AKAP13: variants seen among roughly 807,000 people sequenced by gnomAD.
AKAP13 encodes A-kinase anchor protein 13.
A neutral mutation model predicts 264.5 loss-of-function variants in AKAP13; 80 were observed. The observed-to-expected ratio is 0.30, with a 90% CI of 0.25 to 0.36. AKAP13 has a LOEUF of 0.36. AKAP13 is among the 10% of genes least tolerant of loss of function. AKAP13 has a pLI of 1.00. For synonymous variants in AKAP13, 1,380 were observed against 1,250.2 expected (o/e 1.10, Z -2.19); for missense variants, 3,712 against 3,435.2 (o/e 1.08, Z -2.01).
chr15:85,603,087 G>A lies in AKAP13; in HGVS notation c.4161+17264G>A, dbSNP rs543342764. Among the ~76,000 whole-genome samples the A allele has an allele frequency of 2.9e-4, 44 of 152,276 alleles. 1 individual carries two copies. The South Asian group carries it at 8.3e-3, about 29-fold the overall frequency. The stretch of plus-strand genomic sequence containing the variant: ...GTCAGTTGTTTCCCTTGAGAAGCAG[G>A]TTCTAAGAAAATAACCCCAAGTTCT... On this transcript the variant is annotated intron_variant, in intron 8 of 36. Transcript: ENST00000394518.
At chr15:85,591,037 A>C (rs2079557999) in intron 8 of AKAP13, among the ~76,000 whole-genome samples, 1 of 152,196 alleles carries the variant, frequency 6.6e-6, no homozygotes, top group Non-Finnish European at 1.5e-5. Context: ...CATTAATTTG[A>C]AATTGAAAGA....
At chr15:85,433,117 G>GTTTTTTT (rs199655190) in intron 1 of AKAP13, among the ~76,000 whole-genome samples, 3 of 53,240 alleles carry the variant, frequency 5.6e-5, no homozygotes, top group Admixed American at 2.4e-4. Flanking sequence ...CTTCTGTACA[G>GTTTTTTT]TTTTTTTTTT....
chr15:85,565,242 TAA>T (rs71468117), intron 5 of AKAP13, among the ~76,000 whole-genome samples: 4 of 149,180 alleles, frequency 2.7e-5, no homozygotes, highest in Non-Finnish European at 6.0e-5. Flanking sequence ...TCATTGGAAT[TAA>T]AAAAAAAAAT....
intron 8 of AKAP13, among the ~76,000 whole-genome samples, chr15:85,625,242 A>G (rs1006473902): frequency 2.0e-5 from 3 of 152,222 alleles, no homozygotes; most frequent in African/African-American, 7.2e-5. Context: ...TACTTTGTTC[A>G]CAGCTGAAGA....
chr15:85,714,894 G>C (rs1249693548), intron 19 of AKAP13, among the ~76,000 whole-genome samples: 2 of 152,134 alleles, frequency 1.3e-5, no homozygotes, highest in African/African-American at 4.8e-5. Flanking sequence ...ATGAACCCAG[G>C]AGGCGGAGCT....
intron 8 of AKAP13, among the ~76,000 whole-genome samples, chr15:85,589,486 C>T (rs535607419): frequency 6.6e-4 from 100 of 151,778 alleles, no homozygotes; most frequent in Middle Eastern, 3.4e-3. Context: ...CCGGGCACAG[C>T]GGCTCATGCC....
chr15:85,697,248 A>G (rs1292804487), intron 17 of AKAP13, among the ~76,000 whole-genome samples: 4 of 152,202 alleles, frequency 2.6e-5, no homozygotes, highest in Non-Finnish European at 5.9e-5. Context: ...AGGAAGAATT[A>G]GGGGATGTAC....
chr15:85,571,577 C>G (rs895125475), intron 5 of AKAP13, among the ~76,000 whole-genome samples: 1 of 152,222 alleles, frequency 6.6e-6, no homozygotes, highest in African/African-American at 2.4e-5. Context: ...ATTAATGAGG[C>G]CACCCTTGAT....
chr15:85,727,001 A>C lies in AKAP13; in HGVS notation c.6823-65A>C. The C allele has an allele frequency of 3.2e-6, 5 of 1,573,940 alleles. No individual in the cohort carries two copies. Among genetic ancestry groups the C allele is most frequent in the Non-Finnish European group, 3.5e-6 (4 of 1,148,694 alleles). ...CAGCATCTGGTCTTACCTTAGATTG[A>C]AGCTGTCCTTCAGAGTTAGAATATT... On this transcript the variant is annotated intron_variant, in intron 27 of 36. Coordinates refer to ENST00000394518, the MANE Select transcript of AKAP13 (RefSeq NM_007200.5). The surrounding 1 kb of genome is among the most constrained non-coding windows in gnomAD (Gnocchi z 5.3).
At chr15:85,411,185 G>A (rs1005194141) in intron 1 of AKAP13, among the ~76,000 whole-genome samples, 1 of 152,202 alleles carries the variant, frequency 6.6e-6, no homozygotes. Context: ...AATCAATCAC[G>A]ACAGTGAACT....
intron 1 of AKAP13, among the ~76,000 whole-genome samples, chr15:85,405,143 A>G (rs2071603944): frequency 6.6e-6 from 1 of 152,058 alleles, no homozygotes. Context: ...GTTTTAATCG[A>G]TTCAGACTTA....
intron 9 of AKAP13, among the ~76,000 whole-genome samples, chr15:85,642,707 G>A (rs2082366101): frequency 6.6e-6 from 1 of 152,184 alleles, no homozygotes; most frequent in Middle Eastern, 3.2e-3. Context: ...TTGTGGTGCT[G>A]GCTTGAATTT....
intron 2 of AKAP13, among the ~76,000 whole-genome samples, chr15:85,499,697 C>CTT (rs144946622): frequency 0.016 from 2,364 of 151,942 alleles, 74 homozygotes; most frequent in African/African-American, 0.054. Context: ...AAACACTTAT[C>CTT]TTTCAGGATT....
Position 85,724,480 on chromosome 15 carries a change from G to A in AKAP13, c.6745+1160G>A, listed in dbSNP as rs1478917905. 7.0e-6 allele frequency among the ~76,000 whole-genome samples: 1 copy of A among 142,668 alleles called. No homozygotes were observed. The highest frequency in any genetic ancestry group is 1.5e-5 in the Non-Finnish European group (1 of 66,278). The allele number at this position is 142,668 out of a possible 152,430, so 93.6% of individuals were successfully genotyped here. A position where few individuals can be genotyped will look rare whatever the true frequency, so the allele number is the denominator to read the frequency against. On this transcript the variant is annotated intron_variant, in intron 26 of 36. Coordinates refer to ENST00000394518, the MANE Select transcript of AKAP13 (RefSeq NM_007200.5). This position sits in a 1 kb window ranked among gnomAD's most constrained non-coding sequence, Gnocchi z 4.2. ...TGGAAGCACAGAGTTGAAAGGGTGT[G>A]GCACATCCAGGGAAGAGTGGACACC...
intron 1 of AKAP13, among the ~76,000 whole-genome samples, chr15:85,478,547 G>C (rs137942853): frequency 3.4e-4 from 52 of 152,268 alleles, no homozygotes; most frequent in African/African-American, 1.2e-3. Flanking sequence ...GGGTAATCCA[G>C]CGTTGATAAA....
At chr15:85,470,105 C>A (rs535629112) in intron 1 of AKAP13, among the ~76,000 whole-genome samples, 1 of 152,046 alleles carries the variant, frequency 6.6e-6, no homozygotes, top group African/African-American at 2.4e-5. Context: ...CTGGCCAACA[C>A]GGTGAAACCC....
intron 1 of AKAP13, among the ~76,000 whole-genome samples, chr15:85,475,989 A>C (rs960226852): frequency 6.6e-6 from 1 of 152,174 alleles, no homozygotes. Context: ...TAGATTAAAA[A>C]CAAGTTGGGG....
chr15:85,697,757 A>G (rs1038001436), intron 17 of AKAP13, among the ~76,000 whole-genome samples: 2 of 152,232 alleles, frequency 1.3e-5, no homozygotes, highest in Non-Finnish European at 2.9e-5. Context: ...AATTGTTTAT[A>G]AAGGAATAAG....
At chr15:85,477,876 C>T (rs1372911324) in intron 1 of AKAP13, among the ~76,000 whole-genome samples, 1 of 152,124 alleles carries the variant, frequency 6.6e-6, no homozygotes, top group African/African-American at 2.4e-5. Context: ...CCTCTTGTGA[C>T]TCCTTCCCCA....
Sources: allele counts gnomAD v4.1 joint callset (sites outside exome capture counted in the v4.1 genomes callset), GRCh38; gene constraint gnomAD v4.1.1; non-coding constraint Gnocchi (gnomAD v3.1); transcripts MANE v1.5; gene names NCBI Gene and HGNC (gene_info 2026-07-23, HGNC 2026-07-21).